Variants in ACER3 observed in about 807,000 individuals in gnomAD.
ACER3 encodes alkaline ceramidase 3, also known as alkCDase 3.
In ACER3, 16 loss-of-function variants were observed where a neutral mutation model predicts 48.9. The ratio of observed to expected loss-of-function variants is 0.33; its 90% confidence interval spans 0.22 to 0.50. The LOEUF is 0.50. Ranked by LOEUF, ACER3 falls within the 20% of genes least tolerant of loss-of-function variation. ACER3 has a pLI of 0.98. For synonymous variants in ACER3, 109 were observed against 107.8 expected (o/e 1.01, Z -0.07); for missense variants, 227 against 326.0 (o/e 0.70, Z 2.34).
chr11:76,997,987 G>A (rs1948950857), intron 6 of ACER3, among the ~76,000 whole-genome samples: 1 of 152,190 alleles, frequency 6.6e-6, no homozygotes. Context: ...TATAATACAA[G>A]TCAGGAGAGT....
chr11:76,975,762 C>T (rs993231248), intron 3 of ACER3, among the ~76,000 whole-genome samples: 3 of 151,828 alleles, frequency 2.0e-5, no homozygotes, highest in Non-Finnish European at 2.9e-5. Flanking sequence ...TGGATGATAA[C>T]CTTGTTTGTT....
rs943783888 is a variant in ACER3 at position 76,935,891 on chromosome 11, A to G, written c.214+9224A>G. On this transcript the variant is annotated intron_variant, in intron 2 of 10. Transcript: ENST00000532485. ...GTGACTACTATATTGGGCAGTGCAG[A>G]TATAGAACATCTTCATTACTGCAGA... 3.9e-5 allele frequency among the ~76,000 whole-genome samples: 6 copies of G among 152,240 alleles called. No individual in the cohort carries two copies. The East Asian group carries it at 1.2e-3, about 29-fold the overall frequency.
chr11:76,962,655 A>G (rs908234949), intron 3 of ACER3, among the ~76,000 whole-genome samples: 2 of 151,550 alleles, frequency 1.3e-5, no homozygotes, highest in African/African-American at 4.9e-5. Flanking sequence ...TGGCACCATC[A>G]CAAGAATGAA....
At chr11:76,876,404 A>C (rs532157996) in intron 1 of ACER3, among the ~76,000 whole-genome samples, 29 of 152,206 alleles carry the variant, frequency 1.9e-4, no homozygotes, top group African/African-American at 7.0e-4. Flanking sequence ...CCATATTGCT[A>C]TGTGGTAGGA....
At chr11:76,870,747 C>A (rs1945222090) in intron 1 of ACER3, among the ~76,000 whole-genome samples, 1 of 151,780 alleles carries the variant, frequency 6.6e-6, no homozygotes, top group Non-Finnish European at 1.5e-5. Flanking sequence ...TACATGTAAC[C>A]CAATCAGATA....
intron 2 of ACER3, among the ~76,000 whole-genome samples, chr11:76,958,314 G>C (rs1228236058): frequency 6.6e-6 from 1 of 150,978 alleles, no homozygotes; most frequent in East Asian, 2.0e-4. Context: ...AGCCTCCCGA[G>C]TAGCTGGTAT....
intron 1 of ACER3, among the ~76,000 whole-genome samples, chr11:76,907,020 C>T (rs145904423): frequency 4.9e-4 from 75 of 152,212 alleles, no homozygotes; most frequent in African/African-American, 1.7e-3. Context: ...AAAAGCGTCA[C>T]GTTGTATAGC....
chr11:76,908,230 C>A (rs1410000893), intron 1 of ACER3, among the ~76,000 whole-genome samples: 1 of 152,174 alleles, frequency 6.6e-6, no homozygotes, highest in Non-Finnish European at 1.5e-5. Flanking sequence ...AGCAAGACTC[C>A]ATCTTGATTG....
intron 2 of ACER3, among the ~76,000 whole-genome samples, chr11:76,928,843 A>T (rs565323519): frequency 1.3e-5 from 2 of 152,330 alleles, no homozygotes; most frequent in African/African-American, 4.8e-5. Context: ...TACCAGTACC[A>T]GGCTGTTTTG....
At chr11:76,902,728 T>C (rs996366888) in intron 1 of ACER3, among the ~76,000 whole-genome samples, 1 of 152,234 alleles carries the variant, frequency 6.6e-6, no homozygotes, top group Non-Finnish European at 1.5e-5. Context: ...AGATCACTTT[T>C]TACTGCCATA....
chr11:76,868,391 C>CTGTG (rs1166994217), intron 1 of ACER3: 4,415 of 174,548 alleles, frequency 0.025, 52 homozygotes, highest in Admixed American at 0.066. Context: ...CTCTCTCTCT[C>CTGTG]TGTGTGTGTG....
rs1229870851 is a variant in ACER3 at position 77,022,450 on chromosome 11, G to A, written c.*2123G>A. On this transcript the variant is annotated 3_prime_UTR_variant, in exon 11 of 11. Coordinates refer to ENST00000532485, the MANE Select transcript of ACER3 (RefSeq NM_018367.7). The stretch of plus-strand genomic sequence containing the variant: ...TTTTTTTCTGTTGGGAGAATGGAAA[G>A]CAGAAAGGGAAGCCAGGCTCTTTAA... The A allele has an allele frequency of 6.6e-6, 1 of 152,196 alleles. No individual in the cohort carries two copies. The highest frequency in any genetic ancestry group is 1.5e-5 in the Non-Finnish European group (1 of 68,046). 9.4% of individuals were successfully genotyped at this position (152,196 alleles called of 1,614,324 possible).
At chr11:76,931,532 C>T (rs1461402474) in intron 2 of ACER3, among the ~76,000 whole-genome samples, 3 of 152,130 alleles carry the variant, frequency 2.0e-5, no homozygotes, top group African/African-American at 7.2e-5. Context: ...TTATTTTGGT[C>T]GTTAGTTGAT....
At chr11:76,925,299 T>G (rs1379544099) in intron 1 of ACER3, among the ~76,000 whole-genome samples, 1 of 152,294 alleles carries the variant, frequency 6.6e-6, no homozygotes, top group Non-Finnish European at 1.5e-5. Flanking sequence ...TAAATATATA[T>G]GGTTATTCAT....
At chr11:76,892,479 G>A (rs1025737381) in intron 1 of ACER3, among the ~76,000 whole-genome samples, 1 of 152,144 alleles carries the variant, frequency 6.6e-6, no homozygotes, top group Non-Finnish European at 1.5e-5. Flanking sequence ...TTGGATCACA[G>A]AGAAACCTCT....
chr11:76,933,057 C>T (rs1316662828), intron 2 of ACER3, among the ~76,000 whole-genome samples: 1 of 151,526 alleles, frequency 6.6e-6, no homozygotes. Context: ...TTTGGAGATG[C>T]GTTAGTGAAA....
At chr11:76,864,919 ATTTTTT>A (rs34901215) in intron 1 of ACER3, among the ~76,000 whole-genome samples, 1 of 115,940 alleles carries the variant, frequency 8.6e-6, no homozygotes, top group Admixed American at 8.9e-5. Flanking sequence ...TTTTAAATTA[ATTTTTT>A]TTTTTTTTTT....
intron 2 of ACER3, among the ~76,000 whole-genome samples, chr11:76,935,517 C>G (rs914211167): frequency 1.3e-5 from 2 of 151,916 alleles, no homozygotes; most frequent in Non-Finnish European, 2.9e-5. Flanking sequence ...TTACAAGGGA[C>G]CGAAAATTAG....
intron 1 of ACER3, among the ~76,000 whole-genome samples, chr11:76,881,354 G>C (rs185315708): frequency 6.7e-4 from 100 of 149,952 alleles, no homozygotes; most frequent in African/African-American, 2.4e-3. Context: ...TATATGGTTT[G>C]GTTTGGGTCT....
Sources: allele counts gnomAD v4.1 joint callset (sites outside exome capture counted in the v4.1 genomes callset), GRCh38; gene constraint gnomAD v4.1.1; transcripts MANE v1.5; gene names NCBI Gene and HGNC (gene_info 2026-07-23, HGNC 2026-07-21).